Variants in ANO6 observed in about 807,000 individuals in gnomAD.
ANO6 encodes anoctamin-6.
Under a neutral mutation model 117.5 loss-of-function variants are expected in ANO6, and 106 were observed. The ratio of observed to expected loss-of-function variants is 0.90; its 90% CI spans 0.77 to 1.06. ANO6 has a LOEUF of 1.06. ANO6 is among the 50% of genes least tolerant of loss of function. ANO6 has a pLI of 0.00. For synonymous variants in ANO6, 367 were observed against 385.1 expected (o/e 0.95, Z 0.55); for missense variants, 955 against 1,121.1 (o/e 0.85, Z 2.12).
intron 12 of ANO6, among the ~76,000 whole-genome samples, chr12:45,392,246 T>C (rs117966865): frequency 0.019 from 2,826 of 152,320 alleles, 38 homozygotes; most frequent in East Asian, 0.038. Flanking sequence ...CCTTCCTGAC[T>C]GCTAGCGCAG....
intron 1 of ANO6, among the ~76,000 whole-genome samples, chr12:45,227,318 AAGG>A (rs1414019178): frequency 2.6e-5 from 4 of 152,200 alleles, no homozygotes; most frequent in African/African-American, 7.2e-5. Flanking sequence ...AGAAAAGTAA[AAGG>A]AGGAAAGATG....
intron 19 of ANO6, among the ~76,000 whole-genome samples, chr12:45,438,138 T>G (rs79952161): frequency 0.013 from 2,017 of 152,236 alleles, 44 homozygotes; most frequent in African/African-American, 0.046. Flanking sequence ...CAATGCCCAC[T>G]GAGCTCTTGG....
Position 45,395,934 on chromosome 12 carries a change from G to A in ANO6, c.1386+5436G>A, listed in dbSNP as rs528190861. Among the ~76,000 whole-genome samples the A allele has an allele frequency of 2.3e-3, 352 of 152,270 alleles. 1 individual carries two copies. Among genetic ancestry groups the A allele is most frequent in the Middle Eastern group, 0.014 (4 of 294 alleles). On this transcript the variant is annotated intron_variant, in intron 12 of 19. Transcript: ENST00000320560. ...GCATTCCCTTTGAAAACTGGCACAA[G>A]ACAAGGATGCCCTCTCTCTCCACTC...
intron 2 of ANO6, among the ~76,000 whole-genome samples, chr12:45,324,554 G>A (rs1940397924): frequency 6.6e-6 from 1 of 152,120 alleles, no homozygotes; most frequent in Non-Finnish European, 1.5e-5. Flanking sequence ...GGGAATTACA[G>A]ATTATGACAG....
At chr12:45,216,498 G>A in intron 1 of ANO6, 107 bp downstream of exon 1, 1 of 1,303,296 alleles carries the variant, frequency 7.7e-7, no homozygotes, top group Non-Finnish European at 1.1e-6. Context: ...GGTTGGCCGA[G>A]ACGCTCGGCC....
chr12:45,354,007 T>C (rs1201377183), intron 7 of ANO6, among the ~76,000 whole-genome samples: 1 of 152,162 alleles, frequency 6.6e-6, no homozygotes, highest in African/African-American at 2.4e-5. Context: ...TCCAGGCCGG[T>C]ACAATGTATA....
At chr12:45,331,266 A>G (rs765723046) in intron 2 of ANO6, 29 bp from the exon 3 acceptor site, 22 of 1,579,538 alleles carry the variant, frequency 1.4e-5, no homozygotes, top group Non-Finnish European at 1.7e-5. Flanking sequence ...AAAATTATAT[A>G]TTACAATTTG....
intron 19 of ANO6, among the ~76,000 whole-genome samples, chr12:45,437,973 C>G (rs917577884): frequency 6.6e-6 from 1 of 152,208 alleles, no homozygotes; most frequent in Non-Finnish European, 1.5e-5. Flanking sequence ...AGTAAAACTT[C>G]AAGCACGAGG....
rs968776282 is a variant in ANO6, at chr12:45,430,880, T to C, written c.*1569T>C. On this transcript the variant is annotated 3_prime_UTR_variant, in exon 20 of 20. Transcript: ENST00000320560. ...CTGGGTGCACAAGAGGGAGGTGATT[T>C]GCATCATGGTCATGCTGCATGGGCT... is the stretch of plus-strand genomic sequence containing the variant. The C allele has an allele frequency of 3.0e-6, 3 of 985,406 alleles. No homozygotes were observed. Among genetic ancestry groups the C allele is most frequent in the Non-Finnish European group, 3.6e-6 (3 of 829,930 alleles). The allele number at this position is 985,406 out of a possible 1,614,324, so 61.0% of individuals were successfully genotyped here.
chr12:45,365,553 G>A (rs1346999764), intron 8 of ANO6, among the ~76,000 whole-genome samples: 2 of 152,164 alleles, frequency 1.3e-5, no homozygotes, highest in Non-Finnish European at 2.9e-5. Context: ...GGAGCTTTTT[G>A]GGGGAGCTGC....
intron 1 of ANO6, among the ~76,000 whole-genome samples, chr12:45,252,257 A>G (rs887823152): frequency 1.1e-4 from 17 of 152,376 alleles, no homozygotes; most frequent in Non-Finnish European, 2.4e-4. Flanking sequence ...TTTATGATTA[A>G]ACAACCAAAC....
At chr12:45,257,337 A>G (rs1316255152) in intron 1 of ANO6, among the ~76,000 whole-genome samples, 4 of 152,244 alleles carry the variant, frequency 2.6e-5, no homozygotes, top group African/African-American at 7.2e-5. Flanking sequence ...CTCCTTGCTC[A>G]TTGTTAACCC....
chr12:45,378,192 T>G, intron 10 of ANO6, 79 bp downstream of exon 10: 1 of 1,394,024 alleles, frequency 7.2e-7, no homozygotes, highest in Non-Finnish European at 1.0e-6. Flanking sequence ...AGTAACCCAC[T>G]TTTAGGATCT....
chr12:45,414,028 C>A (rs1943153038), intron 16 of ANO6, among the ~76,000 whole-genome samples: 1 of 151,940 alleles, frequency 6.6e-6, no homozygotes, highest in African/African-American at 2.4e-5. Context: ...AAAATCAGGA[C>A]TGAAAAGGAA....
At position 45,216,341 on chromosome 12, in the gene ANO6, A is replaced by G. The variant is rs371431879; in HGVS notation, c.20A>G (p.Asn7Ser). 89 of 1,612,692 alleles carry G rather than the reference A, an allele frequency of 5.5e-5. No individual in the cohort carries two copies. The highest frequency in any genetic ancestry group is 7.1e-5 in the Non-Finnish European group (84 of 1,179,266). The change falls in exon 1 of 20, where the codon AAT becomes AGT. Residue 7 changes from asparagine to serine, a missense_variant. By Grantham distance (46) the Asn-to-Ser change is conservative. Coordinates refer to ENST00000320560, the MANE Select transcript of ANO6 (RefSeq NM_001025356.3). The stretch of plus-strand genomic sequence containing the variant: ...GGAGACATGAAAAAGATGAGCAGGA[A>G]TGTTTTGCTACAAATGGAGGAGGAG... MKKMSR[N>S]VLLQMEEEED...
chr12:45,338,354 A>G (rs1387783227), intron 3 of ANO6, among the ~76,000 whole-genome samples: 2 of 151,994 alleles, frequency 1.3e-5, no homozygotes, highest in African/African-American at 2.4e-5. Context: ...GCAGAAGGTG[A>G]GGGGCACTAT....
chr12:45,358,043 C>A (rs938342970), intron 8 of ANO6, among the ~76,000 whole-genome samples: 4 of 152,212 alleles, frequency 2.6e-5, no homozygotes, highest in Admixed American at 2.6e-4. Flanking sequence ...CTAAATTTCA[C>A]CATCACTATT....
chr12:45,257,709 T>G (rs942337397), intron 1 of ANO6, among the ~76,000 whole-genome samples: 1 of 152,228 alleles, frequency 6.6e-6, no homozygotes, highest in Non-Finnish European at 1.5e-5. Flanking sequence ...TCTTAGTTTG[T>G]GTTTCAGCCT....
At chr12:45,390,227 A>C (rs1593052676) in intron 11 of ANO6, among the ~76,000 whole-genome samples, 194 bp from the exon 12 acceptor site, 1 of 152,346 alleles carries the variant, frequency 6.6e-6, no homozygotes, top group East Asian at 1.9e-4. Context: ...AAACTTATTA[A>C]AATGAACACT....
Sources: allele counts gnomAD v4.1 joint callset (sites outside exome capture counted in the v4.1 genomes callset), GRCh38; gene constraint gnomAD v4.1.1; transcripts MANE v1.5; gene names NCBI Gene and HGNC (gene_info 2026-07-23, HGNC 2026-07-21).